The following CAPZB variants were observed in gnomAD, a reference collection of about 807,000 sequenced individuals.
The protein encoded by CAPZB is capping actin protein of muscle Z-line subunit beta.
CAPZB carries 2 observed loss-of-function variants against 38.1 expected under a neutral mutation model. The observed-to-expected ratio is 0.05, with a 90% CI of 0.02 to 0.17. The LOEUF is 0.17. Among genes scored for constraint, CAPZB ranks in the 10% least tolerant of loss-of-function variants. CAPZB has a pLI of 1.00. For missense variants in CAPZB, 161 were observed against 334.2 expected (o/e 0.48, Z 4.04); for synonymous variants, 107 against 127.4 (o/e 0.84, Z 1.08).
At chr1:19,340,367 C>CA (rs2093921335) in intron 8 of CAPZB, among the ~76,000 whole-genome samples, 1 of 152,236 alleles carries the variant, frequency 6.6e-6, no homozygotes, top group Non-Finnish European at 1.5e-5. Context: ...TCCCTGCTGT[C>CA]AAATTCTGGA....
Position 19,396,108 on chromosome 1 carries a change from C to T in CAPZB, c.94-10482G>A, listed in dbSNP as rs1361217082. The stretch of plus-strand genomic sequence containing the variant: ...GCCGCGACGGCAGAGGCCGTTGCCC[C>T]GCCTCTACTCCTGCACCCTGTGCAG... On this transcript the variant is annotated intron_variant, in intron 2 of 8. Coordinates refer to ENST00000264202, the MANE Select transcript of CAPZB (RefSeq NM_004930.5). Among the ~76,000 whole-genome samples, 6 of 152,254 alleles carry T rather than the reference C, an allele frequency of 3.9e-5. No homozygotes were observed. In the East Asian group the frequency reaches 5.8e-4, roughly 15 times the overall value.
intron 6 of CAPZB, among the ~76,000 whole-genome samples, chr1:19,348,758 A>C (rs2093975889): frequency 1.3e-5 from 1 of 74,336 alleles, no homozygotes. Flanking sequence ...GGCATCTGAC[A>C]AGGGGGGGGG....
chr1:19,444,749 ATTT>A (rs1303959420), intron 1 of CAPZB, among the ~76,000 whole-genome samples: 1 of 152,092 alleles, frequency 6.6e-6, no homozygotes, highest in Non-Finnish European at 1.5e-5. Flanking sequence ...TTTGTATTTT[ATTT>A]TTATTTTTGA....
chr1:19,485,132 G>T (rs1034226251), intron 1 of CAPZB, among the ~76,000 whole-genome samples: 2 of 152,194 alleles, frequency 1.3e-5, no homozygotes, highest in African/African-American at 4.8e-5. Flanking sequence ...TGGGGACACG[G>T]TTCGGGAGGG....
At chr1:19,367,822 A>T (rs534861738) in intron 4 of CAPZB, among the ~76,000 whole-genome samples, 82 of 152,358 alleles carry the variant, frequency 5.4e-4, no homozygotes, top group African/African-American at 1.7e-3. Context: ...ACTTAAAGAA[A>T]TAATGAAGGC....
intron 1 of CAPZB, among the ~76,000 whole-genome samples, chr1:19,452,772 G>A (rs545226386): frequency 3.3e-5 from 5 of 150,524 alleles, no homozygotes; most frequent in East Asian, 1.9e-4. Flanking sequence ...CCCCACCTTC[G>A]GCAGTCAGAA....
rs115228639 is a variant in CAPZB, at chr1:19,429,690, G to T, written c.4-9940C>A. 1.8e-3 allele frequency among the ~76,000 whole-genome samples: 272 copies of T among 152,272 alleles called. 1 individual carries two copies. Among genetic ancestry groups the T allele is most frequent in the African/African-American group, 6.3e-3 (262 of 41,550 alleles). The stretch of plus-strand genomic sequence containing the variant: ...CAGGACTTTTACATAACATTTTTTA[G>T]GTGCTAGAGGGTCCTTTCTGCCTGG... On this transcript the variant is annotated intron_variant, in intron 1 of 8. Coordinates refer to ENST00000264202, the MANE Select transcript of CAPZB (RefSeq NM_004930.5).
chr1:19,379,400 T>C (rs796611868), intron 3 of CAPZB, among the ~76,000 whole-genome samples: 13 of 152,188 alleles, frequency 8.5e-5, no homozygotes, highest in African/African-American at 3.1e-4. Flanking sequence ...CGCCTGGCCA[T>C]GTGTTCACCA....
intron 1 of CAPZB, chr1:19,449,093 A>G (rs2100685682): frequency 7.0e-7 from 1 of 1,433,400 alleles, no homozygotes; most frequent in African/African-American, 1.4e-5. Flanking sequence ...TTTCATTTGC[A>G]GATGAAACCC....
chr1:19,342,861 A>G (rs766686273), intron 8 of CAPZB: 28 of 1,577,504 alleles, frequency 1.8e-5, no homozygotes, highest in Non-Finnish European at 2.4e-5. Flanking sequence ...TAGCATCAAT[A>G]GATCTACAGA....
At chr1:19,462,634 C>A (rs2094555763) in intron 1 of CAPZB, among the ~76,000 whole-genome samples, 1 of 152,098 alleles carries the variant, frequency 6.6e-6, no homozygotes, top group South Asian at 2.1e-4. Context: ...TAAATAATAA[C>A]CACATATGAA....
chr1:19,348,485 A>G (rs748281053), intron 6 of CAPZB, among the ~76,000 whole-genome samples: 1 of 152,054 alleles, frequency 6.6e-6, no homozygotes, highest in African/African-American at 2.4e-5. Context: ...AGGGCTATCC[A>G]GGCCTGGCGG....
At chr1:19,393,503 G>A (rs1363511786) in intron 2 of CAPZB, among the ~76,000 whole-genome samples, 1 of 152,246 alleles carries the variant, frequency 6.6e-6, no homozygotes, top group Non-Finnish European at 1.5e-5. Flanking sequence ...CGGGGAAGCT[G>A]CTGGCCCCGG....
At chr1:19,442,009 C>CAAAAAAA (rs11384902) in intron 1 of CAPZB, among the ~76,000 whole-genome samples, 1 of 86,054 alleles carries the variant, frequency 1.2e-5, no homozygotes, top group Non-Finnish European at 2.1e-5. Flanking sequence ...ACTCTGTCTC[C>CAAAAAAA]AAAAAAAAAA....
At chr1:19,433,707 A>T (rs1463506826) in intron 1 of CAPZB, among the ~76,000 whole-genome samples, 1 of 152,218 alleles carries the variant, frequency 6.6e-6, no homozygotes, top group Non-Finnish European at 1.5e-5. Context: ...TCCAAAAGGA[A>T]GCTTGAGGAA....
rs1003170259 is a variant in CAPZB, at chr1:19,439,065, A to T, written c.4-19315T>A. On this transcript the variant is annotated intron_variant, in intron 1 of 8. Transcript: ENST00000264202. ...ACATCACAGAGCTCCACCCATGGCT[A>T]CAAGCGTTCAGGAGGTATGAAGCAT... 5.3e-5 allele frequency among the ~76,000 whole-genome samples: 8 copies of T among 152,248 alleles called. No individual in the cohort carries two copies. In the South Asian group the frequency reaches 1.7e-3, roughly 31 times the overall value.
chr1:19,425,113 T>C (rs536640406), intron 1 of CAPZB, among the ~76,000 whole-genome samples: 25 of 152,294 alleles, frequency 1.6e-4, no homozygotes, highest in African/African-American at 5.8e-4. Context: ...GGCTACAAAA[T>C]AAACAGAAGG....
chr1:19,346,580 G>A (rs1452073658), intron 6 of CAPZB, among the ~76,000 whole-genome samples: 2 of 152,008 alleles, frequency 1.3e-5, no homozygotes, highest in Non-Finnish European at 2.9e-5. Flanking sequence ...AGTCTGGGGG[G>A]AGATACTGTC....
At chr1:19,360,306 C>T (rs183784666) in intron 4 of CAPZB, among the ~76,000 whole-genome samples, 1 of 152,206 alleles carries the variant, frequency 6.6e-6, no homozygotes, top group African/African-American at 2.4e-5. Context: ...GGGAGAGCAG[C>T]CCCACATCAA....
Sources: gnomAD v4.1 joint callset for allele counts (sites outside exome capture counted in the v4.1 genomes callset) on GRCh38, gnomAD v4.1.1 for gene constraint, MANE v1.5 for transcripts, NCBI Gene and HGNC (gene_info 2026-07-23, HGNC 2026-07-21) for gene names.